The following COMMD7 variants were observed in gnomAD, a reference collection of about 807,000 sequenced individuals.
COMMD7 encodes the protein COMM domain-containing protein 7.
In COMMD7, 28 loss-of-function variants were observed where a neutral mutation model predicts 34.8. The observed-to-expected ratio is 0.80, with a 90% confidence interval of 0.60 to 1.10. The LOEUF (loss-of-function observed/expected upper bound fraction) is 1.10, where lower values mean the gene tolerates loss of function less well. COMMD7 is among the 50% of genes least tolerant of loss of function. COMMD7 has a pLI of 0.00. For synonymous variants in COMMD7, 80 were observed against 86.4 expected (o/e 0.93, Z 0.41); for missense variants, 211 against 241.6 (o/e 0.87, Z 0.84).
At chr20:32,714,720 C>A (rs564157942) in intron 3 of COMMD7, among the ~76,000 whole-genome samples, 3 of 151,732 alleles carry the variant, frequency 2.0e-5, no homozygotes, top group African/African-American at 7.3e-5. Context: ...GCTACTCAGG[C>A]GGCTAAGGTA....
chr20:32,741,361 T>C (rs2145795215), intron 1 of COMMD7, among the ~76,000 whole-genome samples: 1 of 150,918 alleles, frequency 6.6e-6, no homozygotes, highest in Non-Finnish European at 1.5e-5. Flanking sequence ...GGGACTACTG[T>C]GGTAGCTGTG....
Position 32,739,838 on chromosome 20 carries a change from C to T in COMMD7, c.84+3470G>A, listed in dbSNP as rs1173586850. Among the ~76,000 whole-genome samples, 4 of 138,612 alleles carry T rather than the reference C, an allele frequency of 2.9e-5. 1 individual carries two copies. The allele number at this position is 138,612 out of a possible 152,430, so 90.9% of individuals were successfully genotyped here. On this transcript the variant is annotated intron_variant, in intron 1 of 8. Transcript: ENST00000278980. ...TTCGAGACTACCCTGACCAACATGG[C>T]GAAAGCCCATCTCTACTAAAAATAC...
chr20:32,742,662 C>T (rs1431334296), intron 1 of COMMD7: 1 of 152,302 alleles, frequency 6.6e-6, no homozygotes, highest in Non-Finnish European at 1.5e-5. Flanking sequence ...ATGTGAATCC[C>T]AGTGACTCTC....
chr20:32,726,889 G>C (rs1985539770), intron 3 of COMMD7, among the ~76,000 whole-genome samples: 1 of 152,068 alleles, frequency 6.6e-6, no homozygotes, highest in Non-Finnish European at 1.5e-5. Flanking sequence ...CTAAGATATA[G>C]GAAAGTGCTG....
chr20:32,718,104 T>C (rs1425240338), intron 3 of COMMD7, among the ~76,000 whole-genome samples: 1 of 137,614 alleles, frequency 7.3e-6, no homozygotes, highest in African/African-American at 2.7e-5. Context: ...AAAAAAAAAA[T>C]CAATAAAATA....
At chr20:32,734,182 A>C (rs1234487105) in intron 1 of COMMD7, among the ~76,000 whole-genome samples, 1 of 95,650 alleles carries the variant, frequency 1.0e-5, no homozygotes, top group Non-Finnish European at 2.7e-5. Flanking sequence ...CTCCGTCACA[A>C]AAAAAAAAAA....
intron 1 of COMMD7, among the ~76,000 whole-genome samples, chr20:32,730,414 G>T (rs745919126): frequency 3.3e-5 from 5 of 152,138 alleles, no homozygotes; most frequent in Admixed American, 2.6e-4. Flanking sequence ...AATTAGCCAG[G>T]CGTGGTGGTG....
intron 1 of COMMD7, among the ~76,000 whole-genome samples, chr20:32,742,314 C>T (rs1461808086): frequency 1.3e-5 from 2 of 152,034 alleles, no homozygotes; most frequent in Non-Finnish European, 2.9e-5. Context: ...CCTGTCGTTA[C>T]AAGTTCTAAG....
intron 1 of COMMD7, 71 bp downstream of exon 1, chr20:32,743,237 T>TCCCCCCCCCCCCCC (rs1005226420): frequency 2.8e-5 from 15 of 526,926 alleles, no homozygotes; most frequent in East Asian, 1.6e-4. Flanking sequence ...CCCCCGGACG[T>TCCCCCCCCCCCCCC]CCCCCCCACC....
intron 3 of COMMD7, among the ~76,000 whole-genome samples, chr20:32,707,502 TAG>T (rs146297157): frequency 0.012 from 1,747 of 151,754 alleles, 37 homozygotes; most frequent in African/African-American, 0.041. Context: ...GTATTTTTAG[TAG>T]AGACTGGGTT....
intron 5 of COMMD7, among the ~76,000 whole-genome samples, chr20:32,705,338 GTA>G (rs202198472): frequency 1.8e-3 from 263 of 144,766 alleles, no homozygotes; most frequent in African/African-American, 6.7e-3. Flanking sequence ...ACATATATAT[GTA>G]TATATATATG....
At chr20:32,715,025 A>AAAATAAAT (rs753830615) in intron 3 of COMMD7, among the ~76,000 whole-genome samples, 1 of 150,306 alleles carries the variant, frequency 6.7e-6, no homozygotes, top group African/African-American at 2.4e-5. Flanking sequence ...AATAAAAATA[A>AAAATAAAT]AAATAAATAA....
intron 3 of COMMD7, among the ~76,000 whole-genome samples, chr20:32,722,283 G>A (rs1377877116): frequency 2.0e-5 from 3 of 150,138 alleles, no homozygotes; most frequent in South Asian, 4.2e-4. Flanking sequence ...ACAGTGTGGT[G>A]GGGTGAGGAA....
At chr20:32,717,523 G>C (rs1263110953) in intron 3 of COMMD7, among the ~76,000 whole-genome samples, 1 of 151,662 alleles carries the variant, frequency 6.6e-6, no homozygotes, top group Non-Finnish European at 1.5e-5. Context: ...ACAGGGTTTT[G>C]CCATGTTGGC....
Position 32,721,103 on chromosome 20 carries a change from G to A in COMMD7, c.241+6790C>T, listed in dbSNP as rs190449845. Among the ~76,000 whole-genome samples the A allele has an allele frequency of 4.6e-5, 7 of 152,332 alleles. No individual in the cohort carries two copies. The East Asian group carries it at 1.3e-3, about 29-fold the overall frequency. ...TCAGATGCTGGAAGGGGAGGTTACT[G>A]TGAACTCAAGCGATTTGGGAAGGCT... On this transcript the variant is annotated intron_variant, in intron 3 of 8. Transcript: ENST00000278980.
At chr20:32,718,303 T>C (rs1201248212) in intron 3 of COMMD7, among the ~76,000 whole-genome samples, 4 of 149,826 alleles carry the variant, frequency 2.7e-5, no homozygotes, top group Middle Eastern at 3.5e-3. Context: ...ACTCGGGAGG[T>C]TGAGCCAGGA....
intron 3 of COMMD7, among the ~76,000 whole-genome samples, chr20:32,714,356 C>T (rs2145729039): frequency 6.6e-6 from 1 of 152,162 alleles, no homozygotes; most frequent in Non-Finnish European, 1.5e-5. Flanking sequence ...AAATAAAAAT[C>T]AGTTACGGAT....
intron 3 of COMMD7, among the ~76,000 whole-genome samples, chr20:32,720,409 C>T (rs371999471): frequency 1.3e-5 from 2 of 152,210 alleles, no homozygotes; most frequent in South Asian, 2.1e-4. Context: ...GCAGGAGAAT[C>T]GCTTGAACCC....
At chr20:32,711,580 C>T (rs1446506942) in intron 3 of COMMD7, among the ~76,000 whole-genome samples, 1 of 152,086 alleles carries the variant, frequency 6.6e-6, no homozygotes, top group African/African-American at 2.4e-5. Flanking sequence ...AATGCCTTGA[C>T]AGTTGCTGAC....
Sources: allele counts gnomAD v4.1 joint callset (sites outside exome capture counted in the v4.1 genomes callset), GRCh38; gene constraint gnomAD v4.1.1; transcripts MANE v1.5; gene names NCBI Gene and HGNC (gene_info 2026-07-23, HGNC 2026-07-21).